BRDT: variants seen among roughly 807,000 people sequenced by gnomAD.
BRDT encodes the protein bromodomain testis associated, also known as bromodomain testis-specific protein.
In BRDT, 77 loss-of-function variants were observed where a neutral mutation model predicts 113.9. The ratio of observed to expected loss-of-function variants is 0.68; its 90% confidence interval spans 0.56 to 0.82. BRDT has a LOEUF of 0.82. Among genes scored for constraint, BRDT ranks in the 40% least tolerant of loss-of-function variants. The pLI, the probability that BRDT is intolerant of heterozygous loss-of-function variation, is 0.00. For missense variants in BRDT, 1,027 were observed against 1,105.4 expected (o/e 0.93, Z 1.01); for synonymous variants, 358 against 366.5 (o/e 0.98, Z 0.26).
In BRDT at chr1:91,964,677, G is replaced by A. The variant is rs779827025; in HGVS notation, c.243G>A (p.Lys81=). The change falls in exon 3 of 19, where the codon AAG becomes AAA. Residue 81 remains lysine, a synonymous_variant. Transcript: ENST00000399546. ...KNPMDLNTIK[K]RLENKYYAKA... is the part of the protein sequence containing the mutation. The stretch of plus-strand genomic sequence containing the variant: ...CAATGGATTTAAATACAATTAAGAA[G>A]CGCTTGGAGAATAAATATTATGCGA... 2 of 1,506,740 alleles carry A rather than the reference G, an allele frequency of 1.3e-6. No homozygotes were observed. The highest frequency in any genetic ancestry group is 1.4e-5 in the African/African-American group (1 of 72,626). 93.3% of individuals were successfully genotyped at this position (1,506,740 alleles called of 1,614,324 possible). A position where few individuals can be genotyped will look rare whatever the true frequency, so the allele number is the denominator to read the frequency against.
At chr1:91,994,659 G>A (rs979679320) in intron 15 of BRDT, among the ~76,000 whole-genome samples, 1 of 151,894 alleles carries the variant, frequency 6.6e-6, no homozygotes, top group Non-Finnish European at 1.5e-5. Context: ...GAGGTCAGGA[G>A]ATTGAGACCA....
At chr1:91,970,910 CAA>C (rs56365341) in intron 4 of BRDT, among the ~76,000 whole-genome samples, 53,259 of 114,098 alleles carry the variant, frequency 0.47, 11,860 homozygotes, top group South Asian at 0.56. Context: ...GACCCTTTCT[CAA>C]AAAAAAAAAA....
chr1:91,991,852 C>CATG (rs1553194087), intron 13 of BRDT, among the ~76,000 whole-genome samples: 3 of 151,402 alleles, frequency 2.0e-5, no homozygotes, highest in Non-Finnish European at 3.0e-5. Context: ...ATTAGCCGGG[C>CATG]ATGGCGCCAT....
chr1:91,987,779 A>G (rs10735794), intron 12 of BRDT, among the ~76,000 whole-genome samples: 118,968 of 152,116 alleles, frequency 0.78, 47,362 homozygotes, highest in Non-Finnish European at 0.86. Flanking sequence ...GCTTTGATTG[A>G]TGATAGGTAT....
intron 1 of BRDT, among the ~76,000 whole-genome samples, chr1:91,954,718 G>A (rs181473542): frequency 2.8e-4 from 42 of 152,308 alleles, no homozygotes; most frequent in Middle Eastern, 3.4e-3. Context: ...CACTTTGGGA[G>A]GCTGAGGTGG....
At chr1:91,986,528 GTTGT>G (rs1290736430) in intron 12 of BRDT, among the ~76,000 whole-genome samples, 4 of 152,256 alleles carry the variant, frequency 2.6e-5, no homozygotes. Flanking sequence ...TTTTTCTTTA[GTTGT>G]TTAAGACTTA....
At chr1:91,966,843 G>A (rs1309620081) in intron 3 of BRDT, among the ~76,000 whole-genome samples, 2 of 152,150 alleles carry the variant, frequency 1.3e-5, no homozygotes, top group Non-Finnish European at 2.9e-5. Context: ...GGCCAAGGCG[G>A]GTGGATCACA....
At chr1:91,980,503 TTAAA>T in intron 8 of BRDT, 136 bp from the exon 9 acceptor site, 2 of 731,708 alleles carry the variant, frequency 2.7e-6, no homozygotes, top group Non-Finnish European at 3.9e-6. Context: ...ATTTGTGAAA[TTAAA>T]TAAAAACTTG....
At chr1:91,972,611 C>T (rs1460681393) in intron 4 of BRDT, among the ~76,000 whole-genome samples, 4 of 152,170 alleles carry the variant, frequency 2.6e-5, no homozygotes, top group Non-Finnish European at 5.9e-5. Flanking sequence ...CTGCATTAGG[C>T]ACAAGGGACT....
intron 12 of BRDT, among the ~76,000 whole-genome samples, chr1:91,988,884 G>C (rs973280226): frequency 1.3e-5 from 2 of 152,220 alleles, no homozygotes; most frequent in East Asian, 3.8e-4. Flanking sequence ...AATTATGTAA[G>C]ATTAGAATGA....
At chr1:91,994,609 G>A (rs1027656004) in intron 15 of BRDT, among the ~76,000 whole-genome samples, 1 of 152,096 alleles carries the variant, frequency 6.6e-6, no homozygotes, top group Non-Finnish European at 1.5e-5. Context: ...GCTCACGCCT[G>A]TAATCCCAGC....
chr1:91,985,638 C>CTTTTTTTTTTT, intron 12 of BRDT, among the ~76,000 whole-genome samples: 1 of 108,610 alleles, frequency 9.2e-6, no homozygotes, highest in Non-Finnish European at 1.7e-5. Context: ...ATTAGTTTTG[C>CTTTTTTTTTTT]TTTTTTTTTT....
Position 91,994,246 on chromosome 1 carries a change from C to T in BRDT, c.2279C>T (p.Pro760Leu), listed in dbSNP as rs1402659861. Residue 760 changes from proline to leucine, a missense_variant, in exon 15 of 19, where the codon CCT (proline) becomes CTT (leucine). By Grantham distance (98) the Pro-to-Leu change is moderately conservative (BLOSUM62 -3). Coordinates refer to ENST00000399546, the MANE Select transcript of BRDT (RefSeq NM_207189.4). ...AACATTTCACCTTTACAAATTCTGC[C>T]TCCCTCAGGTAAGAAATTAACAAGT... ...VKNISPLQIL[P>L]PSGDSEQLSN... is the part of the protein sequence containing the mutation. 6.2e-7 allele frequency: 1 copy of T among 1,604,780 alleles called. No homozygotes were observed. Among genetic ancestry groups the T allele is most frequent in the African/African-American group, 1.3e-5 (1 of 74,692 alleles).
intron 4 of BRDT, among the ~76,000 whole-genome samples, chr1:91,970,066 G>T (rs1683478311): frequency 6.6e-6 from 1 of 151,942 alleles, no homozygotes; most frequent in South Asian, 2.1e-4. Flanking sequence ...CTGACCTTAG[G>T]TGATCCACCT....
At chr1:91,987,846 G>GT (rs1396813215) in intron 12 of BRDT, among the ~76,000 whole-genome samples, 14 of 150,950 alleles carry the variant, frequency 9.3e-5, no homozygotes, top group Middle Eastern at 6.8e-3. Context: ...AGTTCTATGG[G>GT]TTTTTTTTGT....
intron 3 of BRDT, 68 bp downstream of exon 3, chr1:91,964,832 C>A: frequency 6.3e-6 from 7 of 1,113,122 alleles, no homozygotes; most frequent in South Asian, 2.9e-5. Context: ...TGTATAAAAT[C>A]ATGTGATCAT....
chr1:91,994,210 A>C lies in BRDT; in HGVS notation c.2243A>C (p.Gln748Pro). The change falls in exon 15 of 19, where the codon CAG becomes CCG. Residue 748 changes from glutamine (Q) to proline (P), a missense_variant. Gln to Pro is a moderately conservative substitution (Grantham distance 76). Transcript: ENST00000399546. The stretch of plus-strand genomic sequence containing the variant: ...AATTATCAAGAATTAGAACATTTAC[A>C]GACTGTGAAAAACATTTCACCTTTA... Reference protein sequence around the residue: ...AFNYQELEHLQTVKNISPLQI... With the variant: ...AFNYQELEHLPTVKNISPLQI... 1 of 1,612,710 alleles carries C rather than the reference A, an allele frequency of 6.2e-7. No individual in the cohort carries two copies. Among genetic ancestry groups the C allele is most frequent in the South Asian group, 1.1e-5 (1 of 90,634 alleles).
intron 1 of BRDT, among the ~76,000 whole-genome samples, chr1:91,953,694 G>C (rs892096931): frequency 6.6e-6 from 1 of 152,094 alleles, no homozygotes; most frequent in African/African-American, 2.4e-5. Context: ...GAGTTCCCAA[G>C]GTTATTTTGA....
rs2101797381 is a variant in BRDT at position 92,002,090 on chromosome 1, C to T, written c.2329C>T (p.Pro777Ser). The change falls in exon 16 of 19, where the codon CCA becomes TCA. Residue 777 changes from proline to serine, a missense_variant. Physicochemically the swap from Pro to Ser is moderately conservative, Grantham distance 74. Transcript: ENST00000399546. The part of the protein sequence containing the change: ...QLSNGITVMH[P>S]SGDSDTTMLE... ...CTCAAATGGCATAACTGTGATGCAT[C>T]CATCTGGTGATAGTGACACAACGAT... 1 of 1,613,942 alleles carries T rather than the reference C, an allele frequency of 6.2e-7. No individual in the cohort carries two copies. Among genetic ancestry groups the T allele is most frequent in the Non-Finnish European group, 8.5e-7 (1 of 1,179,870 alleles).
Sources: allele counts gnomAD v4.1 joint callset (sites outside exome capture counted in the v4.1 genomes callset), GRCh38; gene constraint gnomAD v4.1.1; transcripts MANE v1.5; gene names NCBI Gene and HGNC (gene_info 2026-07-23, HGNC 2026-07-21).